The following DIAPH2 variants were observed in gnomAD, a reference collection of about 807,000 sequenced individuals.
The protein encoded by DIAPH2 is diaphanous related formin 2.
A neutral mutation model predicts 92.7 loss-of-function variants in DIAPH2; 35 were observed. That is an observed-to-expected ratio of 0.38 (90% CI 0.29 to 0.50). The LOEUF is 0.50. Among genes scored for constraint, DIAPH2 ranks in the 20% least tolerant of loss-of-function variants. The probability of loss-of-function intolerance (pLI) is 0.94; values close to 1 mark genes in which losing one functional copy is unlikely to be tolerated. For synonymous variants in DIAPH2, 301 were observed against 280.4 expected (o/e 1.07, Z -0.73); for missense variants, 701 against 819.5 (o/e 0.86, Z 1.77).
At chrX:96,715,547 A>G (rs1218115331) in intron 1 of DIAPH2, among the ~76,000 whole-genome samples, 1 of 111,885 alleles carries the variant, frequency 8.9e-6, no homozygotes, top group Non-Finnish European at 1.9e-5. Context: ...CCGTGGCAGT[A>G]TTGATTACAC....
chrX:97,146,681 C>A (rs2147417392), intron 22 of DIAPH2, among the ~76,000 whole-genome samples: 1 of 111,707 alleles, frequency 9.0e-6, no homozygotes, highest in East Asian at 2.8e-4. Flanking sequence ...TAAAGCTAAG[C>A]TGCTAAAATT....
chrX:97,388,426 A>G lies in DIAPH2; in HGVS notation c.3145+4382A>G, dbSNP rs2069621756. On this transcript the variant is annotated intron_variant, in intron 25 of 26. Transcript: ENST00000324765. Reference sequence around the variant, plus strand: ...GAATACAGAGATGTGATCATAGCTCACTGCAGCCTCAAACTCCTAGGCAGA... The same window carrying G: ...GAATACAGAGATGTGATCATAGCTCGCTGCAGCCTCAAACTCCTAGGCAGA... Among the ~76,000 whole-genome samples, 3 of 111,941 alleles carry G rather than the reference A, an allele frequency of 2.7e-5. No individual in the cohort carries two copies. In the Admixed American group the frequency reaches 2.9e-4, roughly 11 times the overall value.
At chrX:96,784,541 G>A (rs1002837283) in intron 4 of DIAPH2, among the ~76,000 whole-genome samples, 1 of 111,861 alleles carries the variant, frequency 8.9e-6, no homozygotes, top group Non-Finnish European at 1.9e-5. Context: ...AATGAGTGAA[G>A]TAAAACTCAT....
At chrX:96,991,539 G>GTTTTT (rs5903062) in intron 17 of DIAPH2, among the ~76,000 whole-genome samples, 1 of 87,330 alleles carries the variant, frequency 1.1e-5, no homozygotes, top group Non-Finnish European at 2.2e-5. Flanking sequence ...GTTTTATGGT[G>GTTTTT]TTTTTTTTTT....
At chrX:97,455,292 G>A (rs769806661) in intron 26 of DIAPH2, among the ~76,000 whole-genome samples, 1 of 111,921 alleles carries the variant, frequency 8.9e-6, no homozygotes, top group African/African-American at 3.2e-5. Flanking sequence ...CCTGTTCTAA[G>A]TGTCCATAGC....
At chrX:97,084,365 T>C (rs1255301510) in intron 19 of DIAPH2, among the ~76,000 whole-genome samples, 1 of 112,037 alleles carries the variant, frequency 8.9e-6, no homozygotes, top group East Asian at 2.8e-4. Flanking sequence ...GCACAAAGAA[T>C]GTCTTTTCCA....
intron 22 of DIAPH2, among the ~76,000 whole-genome samples, chrX:97,194,024 C>T (rs1307254095): frequency 9.0e-6 from 1 of 111,458 alleles, no homozygotes; most frequent in Non-Finnish European, 1.9e-5. Context: ...CATATTTGCT[C>T]ACTCTCATTT....
chrX:97,211,492 A>AC (rs1377738728), intron 22 of DIAPH2, among the ~76,000 whole-genome samples: 1 of 111,923 alleles, frequency 8.9e-6, no homozygotes, highest in Non-Finnish European at 1.9e-5. Flanking sequence ...CAAAGTGAAA[A>AC]CAACATTCCT....
intron 4 of DIAPH2, among the ~76,000 whole-genome samples, chrX:96,869,333 G>T (rs1408904948): frequency 9.1e-6 from 1 of 110,484 alleles, no homozygotes; most frequent in Non-Finnish European, 1.9e-5. Flanking sequence ...GGAGGCCGAG[G>T]TGGGTGGATC....
At chrX:96,806,989 G>A (rs1381005621) in intron 4 of DIAPH2, among the ~76,000 whole-genome samples, 9 of 111,808 alleles carry the variant, frequency 8.0e-5, no homozygotes, top group Non-Finnish European at 1.5e-4. Flanking sequence ...GGATCCACCC[G>A]CCTCAGCCTC....
chrX:97,126,289 G>T (rs1001055311), intron 21 of DIAPH2, among the ~76,000 whole-genome samples: 1 of 111,944 alleles, frequency 8.9e-6, no homozygotes, highest in Admixed American at 9.5e-5. Context: ...TGATTTTCCT[G>T]TTAAATGAAG....
At chrX:97,371,494 C>T (rs1189482932) in intron 24 of DIAPH2, among the ~76,000 whole-genome samples, 2 of 111,307 alleles carry the variant, frequency 1.8e-5, no homozygotes, top group African/African-American at 3.3e-5. Context: ...CAGCTTTTAG[C>T]GAGGCATAAG....
chrX:97,348,231 G>A lies in DIAPH2; in HGVS notation c.2960G>A (p.Ser987Asn), dbSNP rs754029666. The A allele has an allele frequency of 1.7e-6, 2 of 1,209,517 alleles. No homozygotes were observed. The highest frequency in any genetic ancestry group is 2.2e-6 in the Non-Finnish European group (2 of 894,674). Residue 987 changes from serine (S) to asparagine (N), a missense_variant, in exon 24 of 27, where the codon AGC (serine) becomes AAC (asparagine). Transcript: ENST00000324765. ...TTCATTTTTGACTCAAAGACAGTGA[G>A]CATAGAAGAGTTCTTTGGTGATCTC... The part of the protein sequence containing the change: ...EYFIFDSKTV[S>N]IEEFFGDLNN...
intron 22 of DIAPH2, among the ~76,000 whole-genome samples, chrX:97,189,291 T>G (rs745539928): frequency 3.6e-5 from 4 of 111,090 alleles, no homozygotes; most frequent in Admixed American, 9.6e-5. Context: ...TAACTGCGCT[T>G]GATTAGAGGT....
At chrX:97,321,531 TTGTTG>T (rs1381042476) in intron 23 of DIAPH2, among the ~76,000 whole-genome samples, 1 of 101,672 alleles carries the variant, frequency 9.8e-6, no homozygotes, top group Admixed American at 1.1e-4. Context: ...TGTGTTTTTG[TTGTTG>T]TGTTGTTATT....
intron 23 of DIAPH2, among the ~76,000 whole-genome samples, chrX:97,277,309 G>T (rs938337826): frequency 9.0e-6 from 1 of 111,369 alleles, no homozygotes; most frequent in Non-Finnish European, 1.9e-5. Context: ...CTACACTCCA[G>T]CCTGGGCGAC....
chrX:96,772,066 A>G (rs762078338), intron 4 of DIAPH2, among the ~76,000 whole-genome samples: 14 of 110,987 alleles, frequency 1.3e-4, no homozygotes, highest in South Asian at 1.1e-3. Context: ...TAGCTACTGT[A>G]TATAAAATTT....
At chrX:97,360,904 C>T (rs766747601) in intron 24 of DIAPH2, among the ~76,000 whole-genome samples, 1 of 110,942 alleles carries the variant, frequency 9.0e-6, no homozygotes, top group South Asian at 3.9e-4. Context: ...CAGTCTCCTT[C>T]TGTTGCCCAG....
intron 23 of DIAPH2, among the ~76,000 whole-genome samples, chrX:97,341,499 A>C (rs1394357369): frequency 9.1e-6 from 1 of 110,158 alleles, no homozygotes; most frequent in Non-Finnish European, 1.9e-5. Context: ...TTTTTATATA[A>C]AATAAGAATA....
Sources: allele counts gnomAD v4.1 joint callset (sites outside exome capture counted in the v4.1 genomes callset), GRCh38; gene constraint gnomAD v4.1.1; transcripts MANE v1.5; gene names NCBI Gene and HGNC (gene_info 2026-07-23, HGNC 2026-07-21).